The following PPM1B variants were observed in gnomAD, a reference collection of about 807,000 sequenced individuals.
PPM1B encodes the protein protein phosphatase 1B.
A neutral mutation model predicts 43.0 loss-of-function variants in PPM1B; 22 were observed. The ratio of observed to expected loss-of-function variants is 0.51; its 90% CI spans 0.37 to 0.73. The LOEUF (loss-of-function observed/expected upper bound fraction) is 0.73. Among genes scored for constraint, PPM1B ranks in the 30% least tolerant of loss-of-function variants. The probability of loss-of-function intolerance (pLI) is 0.00; values close to 1 mark genes in which losing one functional copy is unlikely to be tolerated. For missense variants in PPM1B, 632 were observed against 584.2 expected (o/e 1.08, Z -0.84); for synonymous variants, 217 against 197.9 (o/e 1.10, Z -0.81).
chr2:44,197,703 A>G (rs1317802859), intron 1 of PPM1B, among the ~76,000 whole-genome samples: 1 of 152,146 alleles, frequency 6.6e-6, no homozygotes, highest in Non-Finnish European at 1.5e-5. Flanking sequence ...GGCTAGTCTT[A>G]ATAGGTTCGA....
downstream of PPM1B, among the ~76,000 whole-genome samples, chr2:44,244,941 C>T (rs1056477570): frequency 1.3e-5 from 2 of 150,880 alleles, no homozygotes; most frequent in East Asian, 1.9e-4. Context: ...GGGCGGGACA[C>T]GTGAATCTGG....
intron 5 of PPM1B, among the ~76,000 whole-genome samples, chr2:44,226,216 C>G (rs1670202500): frequency 1.3e-5 from 2 of 152,016 alleles, no homozygotes; most frequent in South Asian, 4.1e-4. Flanking sequence ...ACCTCATGAT[C>G]TGCCTGCCTC....
chr2:44,233,339 C>T, downstream of PPM1B: 1 of 981,914 alleles, frequency 1.0e-6, no homozygotes, highest in African/African-American at 1.7e-5. Context: ...AGTAACTTTT[C>T]ATTTTATAAC....
chr2:44,218,125 TTAAA>T (rs776946930), intron 4 of PPM1B, 47 bp downstream of exon 4: 1 of 1,377,680 alleles, frequency 7.3e-7, no homozygotes, highest in Non-Finnish European at 1.0e-6. Flanking sequence ...TAATTAGTAA[TTAAA>T]TAATTTGGGG....
At position 44,228,765 on chromosome 2, in the gene PPM1B, T is replaced by C. The variant is rs1670337246; in HGVS notation, c.1135-1648T>C. 2.0e-5 allele frequency among the ~76,000 whole-genome samples: 3 copies of C among 152,218 alleles called. No homozygotes were observed. The South Asian group carries it at 6.2e-4, about 31-fold the overall frequency. On this transcript the variant is annotated intron_variant, in intron 5 of 5. Coordinates refer to ENST00000282412, the MANE Select transcript of PPM1B (RefSeq NM_002706.6). The stretch of plus-strand genomic sequence containing the variant: ...TTCAACAACTGTTAACATTTTGCCA[T>C]AGTTGCTTTATTTTTCTTTTTATAT...
downstream of PPM1B, among the ~76,000 whole-genome samples, chr2:44,245,025 C>T (rs1023815201): frequency 4.6e-5 from 7 of 151,884 alleles, no homozygotes; most frequent in African/African-American, 1.7e-4. Flanking sequence ...CTTTCACTAT[C>T]AACAATTTAC....
At chr2:44,243,830 G>A (rs1670800750) in intron 5 of PPM1B, among the ~76,000 whole-genome samples, 1 of 152,072 alleles carries the variant, frequency 6.6e-6, no homozygotes. Flanking sequence ...TTTTCCAGAT[G>A]AATTTTTCAA....
intron 1 of PPM1B, among the ~76,000 whole-genome samples, chr2:44,179,763 C>A (rs1035520292): frequency 6.6e-6 from 1 of 152,104 alleles, no homozygotes; most frequent in South Asian, 2.1e-4. Context: ...AATCCCAGCA[C>A]TTTGGGAGGC....
chr2:44,229,899 G>C, intron 5 of PPM1B: 1 of 1,178,038 alleles, frequency 8.5e-7, no homozygotes, highest in East Asian at 2.7e-5. Flanking sequence ...AGAGCAAAAA[G>C]TAAATACAAT....
chr2:44,206,828 C>A (rs1043319172), intron 2 of PPM1B, among the ~76,000 whole-genome samples: 13 of 152,098 alleles, frequency 8.5e-5, no homozygotes, highest in African/African-American at 2.9e-4. Flanking sequence ...TCCCAAACTG[C>A]GGGGATTACA....
chr2:44,236,402 C>CA (rs61414038), downstream of PPM1B, among the ~76,000 whole-genome samples: 2,701 of 47,364 alleles, frequency 0.057, 428 homozygotes, highest in African/African-American at 0.16. Context: ...GACTCCGTCT[C>CA]AAAAAAAAAA....
chr2:44,184,730 G>A (rs763829899), intron 1 of PPM1B, among the ~76,000 whole-genome samples: 1 of 151,948 alleles, frequency 6.6e-6, no homozygotes, highest in Admixed American at 6.6e-5. Flanking sequence ...TCTTAAGCTG[G>A]AGCCCACAGA....
At chr2:44,207,717 G>A (rs1011672098) in intron 2 of PPM1B, among the ~76,000 whole-genome samples, 4 of 151,380 alleles carry the variant, frequency 2.6e-5, no homozygotes, top group African/African-American at 9.7e-5. Context: ...CTGGGACCTG[G>A]GACTACAGGT....
intron 5 of PPM1B, among the ~76,000 whole-genome samples, chr2:44,223,126 C>T (rs978631311): frequency 1.3e-5 from 2 of 152,180 alleles, no homozygotes; most frequent in South Asian, 4.1e-4. Context: ...GCCACTGCAT[C>T]CAACCACAAG....
chr2:44,208,409 T>C (rs921769212), intron 2 of PPM1B, among the ~76,000 whole-genome samples: 38 of 152,202 alleles, frequency 2.5e-4, no homozygotes, highest in African/African-American at 8.9e-4. Context: ...CTCTGAATAG[T>C]TTCTTGTATT....
At chr2:44,218,972 T>C (rs1476482718) in intron 5 of PPM1B, 4 of 422,134 alleles carry the variant, frequency 9.5e-6, no homozygotes, top group African/African-American at 8.4e-5. Context: ...TATGCCCACT[T>C]GGAATACCCG....
At chr2:44,243,772 G>C (rs976809753) in intron 5 of PPM1B, among the ~76,000 whole-genome samples, 3 of 152,092 alleles carry the variant, frequency 2.0e-5, no homozygotes, top group African/African-American at 7.2e-5. Context: ...ATCTGATAGG[G>C]AAAATGCCCC....
intron 3 of PPM1B, among the ~76,000 whole-genome samples, chr2:44,209,925 A>G (rs984878079): frequency 9.9e-5 from 15 of 152,216 alleles, no homozygotes; most frequent in Non-Finnish European, 2.2e-4. Flanking sequence ...CTGTTTCACC[A>G]CCAAAGAGAA....
At chr2:44,193,001 G>A (rs1459750523) in intron 1 of PPM1B, among the ~76,000 whole-genome samples, 1 of 152,024 alleles carries the variant, frequency 6.6e-6, no homozygotes, top group Admixed American at 6.6e-5. Context: ...TGCATAACTT[G>A]GTTTTGGTAA....
Sources: gnomAD v4.1 joint callset for allele counts (sites outside exome capture counted in the v4.1 genomes callset) on GRCh38, gnomAD v4.1.1 for gene constraint, MANE v1.5 for transcripts, NCBI Gene and HGNC (gene_info 2026-07-23, HGNC 2026-07-21) for gene names.